RBMS3: variants seen among roughly 807,000 people sequenced by gnomAD.
RBMS3 encodes the protein RNA binding motif single stranded interacting protein 3.
In RBMS3, 27 loss-of-function variants were observed where a neutral mutation model predicts 66.8. That is an observed-to-expected ratio of 0.40 (90% confidence interval 0.30 to 0.56). RBMS3 has a LOEUF of 0.56. RBMS3 is among the 20% of genes least tolerant of loss of function. The probability of loss-of-function intolerance (pLI) is 0.40; values close to 1 mark genes in which losing one functional copy is unlikely to be tolerated. For synonymous variants in RBMS3, 188 were observed against 183.0 expected (o/e 1.03, Z -0.22); for missense variants, 513 against 549.5 (o/e 0.93, Z 0.66).
At chr3:29,359,426 T>C (rs2125576911) in intron 1 of RBMS3, among the ~76,000 whole-genome samples, 1 of 152,306 alleles carries the variant, frequency 6.6e-6, no homozygotes. Flanking sequence ...AAGTTTTTGA[T>C]GTGTTGCTGG....
chr3:29,731,090 G>T, intron 4 of RBMS3: 1 of 938,518 alleles, frequency 1.1e-6, no homozygotes, highest in African/African-American at 1.8e-5. Flanking sequence ...CTCCTCAATT[G>T]ATCTTGAAAT....
chr3:29,674,737 CAAAA>C (rs149403305), intron 4 of RBMS3, among the ~76,000 whole-genome samples: 26 of 100,892 alleles, frequency 2.6e-4, no homozygotes, highest in East Asian at 6.0e-4. Context: ...ACCACTGCTC[CAAAA>C]AAAAAAAAAA....
chr3:29,741,867 G>T (rs1382956087), intron 5 of RBMS3, among the ~76,000 whole-genome samples: 4 of 152,060 alleles, frequency 2.6e-5, no homozygotes, highest in Non-Finnish European at 5.9e-5. Context: ...TTCCTTCTGT[G>T]CATGCCTGTG....
intron 4 of RBMS3, among the ~76,000 whole-genome samples, chr3:29,591,455 A>C (rs969891017): frequency 6.6e-6 from 1 of 152,192 alleles, no homozygotes; most frequent in Non-Finnish European, 1.5e-5. Flanking sequence ...TAAATTATTG[A>C]TCTCAAATAC....
At chr3:29,603,304 T>G (rs1422462698) in intron 4 of RBMS3, among the ~76,000 whole-genome samples, 1 of 152,142 alleles carries the variant, frequency 6.6e-6, no homozygotes, top group East Asian at 1.9e-4. Flanking sequence ...TCCTATCTCA[T>G]GTCTAACTCC....
At chr3:29,571,920 A>C (rs1218954820) in intron 3 of RBMS3, among the ~76,000 whole-genome samples, 1 of 151,772 alleles carries the variant, frequency 6.6e-6, no homozygotes, top group Non-Finnish European at 1.5e-5. Context: ...AACATGGAAT[A>C]TTTTTAATTT....
intron 6 of RBMS3, among the ~76,000 whole-genome samples, chr3:29,781,735 C>A (rs1481400198): frequency 6.6e-6 from 1 of 151,958 alleles, no homozygotes; most frequent in Non-Finnish European, 1.5e-5. Flanking sequence ...TGGTCTAGGG[C>A]AAGTTATCAG....
At position 29,945,554 on chromosome 3, in the gene RBMS3, C is replaced by T. The variant is rs553102155; in HGVS notation, c.1098+1300C>T. ...CCAATTTCATTTAGGATTTAGGGCC[C>T]CTGGGAAGAGACTATATTTCATACA... On this transcript the variant is annotated intron_variant, in intron 12 of 14. Coordinates refer to ENST00000383767, the MANE Select transcript of RBMS3 (RefSeq NM_001003793.3). Among the ~76,000 whole-genome samples, 11 of 151,594 alleles carry T rather than the reference C, an allele frequency of 7.3e-5. No homozygotes were observed. In the East Asian group the frequency reaches 2.1e-3, roughly 30 times the overall value.
chr3:29,622,244 G>T (rs951741113), intron 4 of RBMS3, among the ~76,000 whole-genome samples: 1 of 152,250 alleles, frequency 6.6e-6, no homozygotes, highest in South Asian at 2.1e-4. Context: ...GGGAAGTGAA[G>T]ACAGAGCCTG....
intron 6 of RBMS3, among the ~76,000 whole-genome samples, chr3:29,804,853 A>C (rs2057493670): frequency 1.3e-5 from 2 of 151,864 alleles, no homozygotes; most frequent in Admixed American, 1.3e-4. Context: ...AGTTGCTTTA[A>C]ACGGTTTAAT....
chr3:29,401,199 T>C (rs1454715282), intron 1 of RBMS3, among the ~76,000 whole-genome samples: 2 of 152,052 alleles, frequency 1.3e-5, no homozygotes, highest in Non-Finnish European at 2.9e-5. Flanking sequence ...GGCATACCTA[T>C]TAAAAAGAAA....
chr3:29,593,393 A>G lies in RBMS3; in HGVS notation c.399+6188A>G, dbSNP rs190612011. Reference sequence around the variant, plus strand: ...GGCTATTTGCTATTTATTGGTCACTACAGTGGGATGGAGCCTCCTGGTAAA... The same window carrying G: ...GGCTATTTGCTATTTATTGGTCACTGCAGTGGGATGGAGCCTCCTGGTAAA... On this transcript the variant is annotated intron_variant, in intron 4 of 14. Coordinates refer to ENST00000383767, the MANE Select transcript of RBMS3 (RefSeq NM_001003793.3). 4.8e-4 allele frequency among the ~76,000 whole-genome samples: 73 copies of G among 152,272 alleles called. No individual in the cohort carries two copies. The Middle Eastern group carries it at 0.01, about 21-fold the overall frequency.
intron 1 of RBMS3, among the ~76,000 whole-genome samples, chr3:29,407,314 A>AAT (rs2040065915): frequency 6.6e-6 from 1 of 152,166 alleles, no homozygotes; most frequent in South Asian, 2.1e-4. Flanking sequence ...AGAGAAGTTA[A>AAT]ATAACTTCTC....
chr3:29,650,791 G>T (rs2050118800), intron 4 of RBMS3, among the ~76,000 whole-genome samples: 1 of 152,136 alleles, frequency 6.6e-6, no homozygotes, highest in African/African-American at 2.4e-5. Context: ...TTAGCTAAAA[G>T]TACCCATTTT....
chr3:29,461,080 CTATT>C (rs997115385), intron 2 of RBMS3, among the ~76,000 whole-genome samples: 3 of 152,206 alleles, frequency 2.0e-5, no homozygotes, highest in African/African-American at 7.2e-5. Context: ...ATTTTACTCA[CTATT>C]TGTCATTTTC....
intron 1 of RBMS3, among the ~76,000 whole-genome samples, chr3:29,433,226 T>C (rs2041274427): frequency 6.6e-6 from 1 of 152,148 alleles, no homozygotes; most frequent in Non-Finnish European, 1.5e-5. Flanking sequence ...TTTGACCTCA[T>C]CTGAATACTT....
intron 1 of RBMS3, among the ~76,000 whole-genome samples, chr3:29,325,614 G>T (rs958508277): frequency 2.1e-5 from 3 of 141,814 alleles, no homozygotes; most frequent in African/African-American, 5.4e-5. Context: ...GTATATATAT[G>T]TGTGTATATA....
intron 4 of RBMS3, among the ~76,000 whole-genome samples, chr3:29,721,786 A>G (rs1192089474): frequency 6.6e-6 from 1 of 152,214 alleles, no homozygotes; most frequent in African/African-American, 2.4e-5. Context: ...GAAGAGAAAT[A>G]TATCTGTAAT....
intron 3 of RBMS3, among the ~76,000 whole-genome samples, chr3:29,524,886 C>T (rs988890959): frequency 1.4e-4 from 21 of 151,948 alleles, no homozygotes; most frequent in Non-Finnish European, 1.2e-4. Context: ...GACATTGTCT[C>T]TAAAAAAAAT....
Sources: gnomAD v4.1 joint callset for allele counts (sites outside exome capture counted in the v4.1 genomes callset) on GRCh38, gnomAD v4.1.1 for gene constraint, MANE v1.5 for transcripts, NCBI Gene and HGNC (gene_info 2026-07-23, HGNC 2026-07-21) for gene names.